The following RFX4 variants were observed in gnomAD, a reference collection of about 807,000 sequenced individuals.
RFX4 encodes the protein transcription factor RFX4.
A neutral mutation model predicts 95.0 loss-of-function variants in RFX4; 10 were observed. The observed-to-expected ratio is 0.11, with a 90% CI of 0.06 to 0.18. The LOEUF (loss-of-function observed/expected upper bound fraction) is 0.18. Among genes scored for constraint, RFX4 ranks in the 10% least tolerant of loss-of-function variants. The pLI is 1.00. For synonymous variants in RFX4, 321 were observed against 340.7 expected (o/e 0.94, Z 0.64); for missense variants, 640 against 922.0 (o/e 0.69, Z 3.96).
intron 15 of RFX4, among the ~76,000 whole-genome samples, chr12:106,738,666 A>G (rs1440297018): frequency 1.3e-5 from 2 of 152,216 alleles, no homozygotes; most frequent in Non-Finnish European, 2.9e-5. Context: ...GTCATCCTAT[A>G]TAAGACTATG....
intron 13 of RFX4, among the ~76,000 whole-genome samples, chr12:106,727,021 C>G (rs1387246378): frequency 6.6e-6 from 1 of 152,144 alleles, no homozygotes; most frequent in Non-Finnish European, 1.5e-5. Flanking sequence ...ATCCACCCAC[C>G]TCAGCCTCCC....
intron 2 of RFX4, among the ~76,000 whole-genome samples, chr12:106,635,807 C>T (rs1218686729): frequency 6.6e-6 from 1 of 152,172 alleles, no homozygotes; most frequent in Non-Finnish European, 1.5e-5. Flanking sequence ...ACCATGTATA[C>T]ACCAGCATCA....
At position 106,682,545 on chromosome 12, in the gene RFX4, C is replaced by A. The variant is rs185295075; in HGVS notation, c.377+491C>A. 398 of 156,306 alleles carry A rather than the reference C, an allele frequency of 2.5e-3. 1 individual carries two copies. Among genetic ancestry groups the A allele is most frequent in the African/African-American group, 8.7e-3 (364 of 41,678 alleles). 9.7% of individuals were successfully genotyped at this position (156,306 alleles called of 1,614,324 possible). ...TCATCAGTTTCATCAAGCAACCAAC[C>A]AACTCATGCTTTATACTTTCTGTGT... On this transcript the variant is annotated intron_variant, in intron 5 of 17. Coordinates refer to ENST00000392842, the MANE Select transcript of RFX4 (RefSeq NM_213594.3).
In RFX4 at chr12:106,720,996, C is replaced by T. The variant is rs2042386389; in HGVS notation, c.1351+120C>T. ...AAGGTCATCACCCTGAAACACATCT[C>T]TTCTGGGGAGACATGACATTGTTAG... On this transcript the variant is annotated intron_variant, in intron 13 of 17. Transcript: ENST00000392842. This position sits in a 1 kb window ranked among gnomAD's most constrained non-coding sequence, Gnocchi z 4.2. The T allele has an allele frequency of 2.5e-6, 2 of 792,916 alleles. No individual in the cohort carries two copies. Among genetic ancestry groups the T allele is most frequent in the African/African-American group, 1.7e-5 (1 of 58,082 alleles). The allele number at this position is 792,916 out of a possible 1,614,324, so 49.1% of individuals were successfully genotyped here.
intron 8 of RFX4, among the ~76,000 whole-genome samples, chr12:106,697,016 T>C (rs1163963371): frequency 2.0e-5 from 3 of 152,090 alleles, no homozygotes; most frequent in Non-Finnish European, 4.4e-5. Flanking sequence ...CAGGGAGGGA[T>C]GGAGGGAGGA....
Position 106,667,106 on chromosome 12 carries a change from C to T in RFX4, c.315+12755C>T, listed in dbSNP as rs889018076. 2.0e-5 allele frequency among the ~76,000 whole-genome samples: 3 copies of T among 152,272 alleles called. No individual in the cohort carries two copies. The East Asian group carries it at 5.8e-4, about 29-fold the overall frequency. ...CCTTTAGTAAGCCTATGCCTCTGGA[C>T]TGTGAACTTTACTACAAGTGTTTCT... On this transcript the variant is annotated intron_variant, in intron 4 of 17. Transcript: ENST00000392842.
chr12:106,721,795 A>G (rs77271140), intron 13 of RFX4, among the ~76,000 whole-genome samples: 2,417 of 152,336 alleles, frequency 0.016, 32 homozygotes, highest in Non-Finnish European at 0.022. Context: ...AATTAAGCCA[A>G]TCAGCTCTGG....
At chr12:106,735,108 A>G (rs535059536) in intron 15 of RFX4, among the ~76,000 whole-genome samples, 1 of 152,050 alleles carries the variant, frequency 6.6e-6, no homozygotes, top group Admixed American at 6.6e-5. Flanking sequence ...AATCATACCC[A>G]TGAGAGTCAA....
chr12:106,645,162 A>G (rs2040719432), intron 3 of RFX4, among the ~76,000 whole-genome samples: 1 of 152,180 alleles, frequency 6.6e-6, no homozygotes, highest in Non-Finnish European at 1.5e-5. Context: ...AAATATTGTC[A>G]AATGCCTTCT....
At chr12:106,588,796 C>T (rs977069951) in intron 1 of RFX4, among the ~76,000 whole-genome samples, 2 of 152,192 alleles carry the variant, frequency 1.3e-5, no homozygotes, top group Admixed American at 6.5e-5. Flanking sequence ...AGTAGTTTTA[C>T]TGACATTGAG....
At chr12:106,736,362 C>G (rs2042708336) in intron 15 of RFX4, among the ~76,000 whole-genome samples, 1 of 152,172 alleles carries the variant, frequency 6.6e-6, no homozygotes, top group African/African-American at 2.4e-5. Flanking sequence ...TCTGGTCCTG[C>G]TGCAGACCCA....
At chr12:106,617,199 T>C (rs919685616) in intron 2 of RFX4, among the ~76,000 whole-genome samples, 5 of 152,180 alleles carry the variant, frequency 3.3e-5, no homozygotes, top group African/African-American at 1.2e-4. Flanking sequence ...AAGGTCCAAC[T>C]TTTGGGTTTG....
intron 3 of RFX4, among the ~76,000 whole-genome samples, chr12:106,650,967 C>T (rs2040847034): frequency 6.6e-6 from 1 of 152,270 alleles, no homozygotes; most frequent in South Asian, 2.1e-4. Context: ...TTGTTTCTTT[C>T]AGTCCTCCTG....
chr12:106,682,087 C>A, intron 5 of RFX4, 33 bp downstream of exon 5: 2 of 1,610,974 alleles, frequency 1.2e-6, no homozygotes, highest in Non-Finnish European at 1.7e-6. Context: ...ACCTGCAGAG[C>A]GCACATCTAT....
chr12:106,652,688 A>G (rs1181258264), intron 3 of RFX4, among the ~76,000 whole-genome samples: 1 of 152,146 alleles, frequency 6.6e-6, no homozygotes, highest in African/African-American at 2.4e-5. Context: ...CTGTGTCCCT[A>G]GGGTTGTATT....
At chr12:106,595,975 C>T (rs1192117407) in intron 1 of RFX4, among the ~76,000 whole-genome samples, 1 of 152,184 alleles carries the variant, frequency 6.6e-6, no homozygotes, top group Non-Finnish European at 1.5e-5. Context: ...GGAACCAGCA[C>T]AGGTCTTGGC....
rs562101213 is a variant in RFX4 at position 106,680,991 on chromosome 12, T to G, written c.316-1002T>G. 10 of 152,336 alleles carry G rather than the reference T, an allele frequency of 6.6e-5. No homozygotes were observed. The South Asian group carries it at 2.1e-3, about 32-fold the overall frequency. The allele number at this position is 152,336 out of a possible 1,614,324, so 9.4% of individuals were successfully genotyped here. On this transcript the variant is annotated intron_variant, in intron 4 of 17. Transcript: ENST00000392842. ...TCAGGTAGTCGAGTTCCAGAGTTCT[T>G]GCACGTAACCCCTGACCTGTCATGC...
rs75044170 is a variant in RFX4, at chr12:106,757,920, C to T, written c.1936-3277C>T. Among the ~76,000 whole-genome samples the T allele has an allele frequency of 5.9e-3, 899 of 152,304 alleles. 9 individuals are homozygous for T. Among genetic ancestry groups the T allele is most frequent in the African/African-American group, 0.02 (833 of 41,564 alleles). On this transcript the variant is annotated intron_variant, in intron 17 of 17. Transcript: ENST00000392842. ...GCTTTTGCCATAGGCATCTGATGAA[C>T]GTTGGACTGTGTGTGCAGGCACACA...
At chr12:106,758,210 C>T (rs1214945999) in intron 17 of RFX4, among the ~76,000 whole-genome samples, 1 of 152,132 alleles carries the variant, frequency 6.6e-6, no homozygotes, top group Admixed American at 6.5e-5. Context: ...GCCTCTGCCA[C>T]TCCCACCAGA....
Sources: allele counts gnomAD v4.1 joint callset (sites outside exome capture counted in the v4.1 genomes callset), GRCh38; gene constraint gnomAD v4.1.1; non-coding constraint Gnocchi (gnomAD v3.1); transcripts MANE v1.5; gene names NCBI Gene and HGNC (gene_info 2026-07-23, HGNC 2026-07-21).